SEZ6: variants seen among roughly 807,000 people sequenced by gnomAD.
SEZ6 encodes seizure related 6 homolog.
In SEZ6, 53 loss-of-function variants were observed where a neutral mutation model predicts 101.0. The ratio of observed to expected loss-of-function variants is 0.52; its 90% CI spans 0.42 to 0.66. SEZ6 has a LOEUF of 0.66. Ranked by LOEUF, SEZ6 falls within the 30% of genes least tolerant of loss-of-function variation. SEZ6 has a pLI of 0.00. For synonymous variants in SEZ6, 488 were observed against 512.2 expected, an observed-to-expected ratio of 0.95 and a Z score of 0.64; for missense variants, 1,102 against 1,289.4, an observed-to-expected ratio of 0.85 and a Z score of 2.23.
Position 28,957,365 on chromosome 17 carries a change from C to T in SEZ6, c.2477G>A (p.Arg826Gln), listed in dbSNP as rs770390896. The change falls in exon 12 of 17, where the codon CGG (arginine) becomes CAG (glutamine). Residue 826 changes from arginine to glutamine, a missense_variant. This residue lies in a region of SEZ6 where 556 missense variants were observed against 735.1 expected (regional missense o/e 0.76). Transcript: ENST00000317338. ...RQAGSPKWSD[R>Q]APKCLLEQLK... ...ACACTTACGGAGACATTTAGGGGCC[C>T]GGTCACTCCACTTGGGGCTGCCAGC... 2.1e-5 allele frequency: 34 copies of T among 1,613,614 alleles called. No homozygotes were observed. The highest frequency in any genetic ancestry group is 1.6e-4 in the South Asian group (15 of 91,066).
intron 1 of SEZ6, among the ~76,000 whole-genome samples, chr17:28,983,770 C>T (rs574403903): frequency 6.6e-6 from 1 of 152,082 alleles, no homozygotes; most frequent in African/African-American, 2.4e-5. Context: ...AAGGGAAACA[C>T]AGCCGGGGTG....
At chr17:28,958,513 G>A (rs2040919920) in intron 10 of SEZ6, among the ~76,000 whole-genome samples, 1 of 152,168 alleles carries the variant, frequency 6.6e-6, no homozygotes, top group Non-Finnish European at 1.5e-5. Flanking sequence ...GTTCTGGCCA[G>A]GTGCAGTGGC....
At chr17:28,971,187 C>G (rs117986545) in intron 3 of SEZ6, among the ~76,000 whole-genome samples, 2,154 of 152,310 alleles carry the variant, frequency 0.014, 19 homozygotes, top group Non-Finnish European at 0.019. Context: ...AAATATGCTG[C>G]TATTTGAACT....
At chr17:29,004,427 C>A (rs557788480) in intron 1 of SEZ6, among the ~76,000 whole-genome samples, 2 of 152,206 alleles carry the variant, frequency 1.3e-5, no homozygotes, top group East Asian at 3.8e-4. Context: ...CGTGAGCACA[C>A]GGTTTCAAGT....
In SEZ6 at chr17:29,005,916, C is replaced by G; in HGVS notation, c.-47G>C. ...CTGGGCTGGGACCGCGGCGGGAGGG[C>G]GGGGGGCTTGGTGGGGCTTGGGCGC... On this transcript the variant is annotated 5_prime_UTR_variant, in exon 1 of 17. Coordinates refer to ENST00000317338, the MANE Select transcript of SEZ6 (RefSeq NM_178860.5). The surrounding 1 kb of genome is among the most constrained non-coding windows in gnomAD (Gnocchi z 4.8). 11 of 1,040,466 alleles carry G rather than the reference C, an allele frequency of 1.1e-5. No individual in the cohort carries two copies. Among genetic ancestry groups the G allele is most frequent in the African/African-American group, 1.7e-5 (1 of 59,964 alleles). 64.5% of individuals were successfully genotyped at this position (1,040,466 alleles called of 1,614,324 possible).
chr17:28,957,966 G>A lies in SEZ6; in HGVS notation c.2283C>T (p.Asp761=). ...MCQWDLTWSE[D]LPSCQRVTSC... Reference sequence around the variant, plus strand: ...ACTCACCCCTCTGGCATGAGGGCAGGTCCTCACTCCAAGTTAGGTCCCACT... The same window carrying A: ...ACTCACCCCTCTGGCATGAGGGCAGATCCTCACTCCAAGTTAGGTCCCACT... Residue 761 remains aspartate, a synonymous_variant, in exon 11 of 17, where the codon GAC becomes GAT. Coordinates refer to ENST00000317338, the MANE Select transcript of SEZ6 (RefSeq NM_178860.5). 4 of 1,613,728 alleles carry A rather than the reference G, an allele frequency of 2.5e-6. No homozygotes were observed. Among genetic ancestry groups the A allele is most frequent in the Non-Finnish European group, 3.4e-6 (4 of 1,179,684 alleles).
chr17:28,956,534 C>T, intron 14 of SEZ6, 67 bp from the exon 15 acceptor site: 8 of 1,512,886 alleles, frequency 5.3e-6, no homozygotes, highest in South Asian at 4.9e-5. Context: ...TCTCTCACCT[C>T]TGCCCAAGGG....
In SEZ6 at chr17:28,957,406, G is replaced by A. The variant is rs767446717; in HGVS notation, c.2436C>T (p.Thr812=). ...GFVLMGSSIL[T]CHDRQAGSPK... is the part of the protein sequence containing the mutation. ...GGCTGCCAGCCTGGCGATCATGGCA[G>A]GTGAGGATGGAGCTGCCCATCAGCA... The change falls in exon 12 of 17, where the codon ACC becomes ACT. Residue 812 remains threonine, a synonymous_variant. Coordinates refer to ENST00000317338, the MANE Select transcript of SEZ6 (RefSeq NM_178860.5). 6.2e-7 allele frequency: 1 copy of A among 1,613,816 alleles called. No individual in the cohort carries two copies. Among genetic ancestry groups the A allele is most frequent in the South Asian group, 1.1e-5 (1 of 91,060 alleles).
chr17:28,995,923 C>T (rs776187818), intron 1 of SEZ6, among the ~76,000 whole-genome samples: 5 of 152,114 alleles, frequency 3.3e-5, no homozygotes, highest in Non-Finnish European at 5.9e-5. Flanking sequence ...AGGCATGCCT[C>T]CCTCCTCTCC....
chr17:28,989,680 C>T (rs917048116), intron 1 of SEZ6, among the ~76,000 whole-genome samples: 7 of 152,180 alleles, frequency 4.6e-5, no homozygotes, highest in African/African-American at 1.7e-4. Flanking sequence ...TGCCCTTGGT[C>T]ATTCCTGGGT....
upstream of SEZ6, chr17:29,006,225 AGC>A (rs1438742169): frequency 1.6e-5 from 3 of 185,644 alleles, no homozygotes; most frequent in African/African-American, 2.3e-5. Context: ...GCCCACCCCC[AGC>A]CAAGCATGCC....
Position 28,966,108 on chromosome 17 carries a change from A to C in SEZ6, c.1055-1961T>G, listed in dbSNP as rs182426102. On this transcript the variant is annotated intron_variant, in intron 4 of 16. Coordinates refer to ENST00000317338, the MANE Select transcript of SEZ6 (RefSeq NM_178860.5). ...CAGTGAGTCGATATCATGCCATTGC[A>C]CTCCAGCCTGGGCGACAGAGTGAGA... Among the ~76,000 whole-genome samples, 1,198 of 150,758 alleles carry C rather than the reference A, an allele frequency of 7.9e-3. 9 individuals carry two copies. The highest frequency in any genetic ancestry group is 0.025 in the South Asian group (120 of 4,778).
intron 4 of SEZ6, 51 bp from the exon 5 acceptor site, chr17:28,964,198 G>C: frequency 6.5e-5 from 92 of 1,407,116 alleles, no homozygotes; most frequent in Non-Finnish European, 8.4e-5. Context: ...GTGGGGGCGG[G>C]AGCTGGGCCA....
In SEZ6 at chr17:28,957,119, T is replaced by C. The variant is rs1299428240; in HGVS notation, c.2618A>G (p.Lys873Arg). ...CACACACTTGATGCTGGCCTGGCCC[T>C]TCAGCACATAGCCAGGGGCACACGA... ...HFSCAPGYVLKGQASIKCVPG... is the reference protein window; with the variant it reads ...HFSCAPGYVLRGQASIKCVPG... Residue 873 changes from lysine to arginine, a missense_variant, in exon 13 of 17, where the codon AAG (lysine) becomes AGG (arginine). Around this residue, in one of 3 missense-constraint regions of SEZ6, gnomAD observed 556 missense variants for 735.1 expected, o/e 0.76. Coordinates refer to ENST00000317338, the MANE Select transcript of SEZ6 (RefSeq NM_178860.5). 3 of 1,613,880 alleles carry C rather than the reference T, an allele frequency of 1.9e-6. No individual in the cohort carries two copies. Among genetic ancestry groups the C allele is most frequent in the Middle Eastern group, 1.6e-4 (1 of 6,062 alleles).
intron 5 of SEZ6, among the ~76,000 whole-genome samples, chr17:28,962,998 C>T (rs1450074940): frequency 1.3e-5 from 2 of 151,978 alleles, no homozygotes; most frequent in Non-Finnish European, 2.9e-5. Flanking sequence ...GTGGCGGGCG[C>T]CTGTAGTCCC....
At chr17:28,985,990 C>G (rs1351366061) in intron 1 of SEZ6, among the ~76,000 whole-genome samples, 3 of 152,152 alleles carry the variant, frequency 2.0e-5, no homozygotes, top group African/African-American at 7.2e-5. Flanking sequence ...TGGGCTGGGT[C>G]CGGGAAACAC....
At position 28,955,107 on chromosome 17, in the gene SEZ6, G is replaced by C. The variant is rs1471540914; in HGVS notation, c.*855C>G. On this transcript the variant is annotated 3_prime_UTR_variant, in exon 17 of 17. Coordinates refer to ENST00000317338, the MANE Select transcript of SEZ6 (RefSeq NM_178860.5). The stretch of plus-strand genomic sequence containing the variant: ...CAAATTCCTGGGTCCTTGGACCTCT[G>C]CTCCTCTCCAGAATATGCCCACCCC... The C allele has an allele frequency of 6.5e-6, 1 of 154,868 alleles. No homozygotes were observed. Among genetic ancestry groups the C allele is most frequent in the African/African-American group, 2.4e-5 (1 of 41,376 alleles). 9.6% of individuals were successfully genotyped at this position (154,868 alleles called of 1,614,324 possible). A position where few individuals can be genotyped will look rare whatever the true frequency, so the allele number is the denominator to read the frequency against.
intron 1 of SEZ6, among the ~76,000 whole-genome samples, chr17:28,986,148 C>T (rs906273324): frequency 6.6e-6 from 1 of 152,254 alleles, no homozygotes. Context: ...TCGGAGGGAG[C>T]CCTGTTTAAA....
intron 1 of SEZ6, among the ~76,000 whole-genome samples, chr17:28,987,349 C>T (rs1008776052): frequency 4.6e-5 from 7 of 152,106 alleles, no homozygotes; most frequent in East Asian, 1.9e-4. Context: ...GACAATTCCA[C>T]GGGCCCAGCC....
Sources: gnomAD v4.1 joint callset for allele counts (sites outside exome capture counted in the v4.1 genomes callset) on GRCh38, gnomAD v4.1.1 for gene constraint, gnomAD v4.1.1 regional missense constraint, Gnocchi (gnomAD v3.1) non-coding constraint, MANE v1.5 for transcripts, NCBI Gene and HGNC (gene_info 2026-07-23, HGNC 2026-07-21) for gene names.